Variants in CERS6 observed in about 807,000 individuals in gnomAD.
The protein encoded by CERS6 is LAG1 homolog, ceramide synthase 6.
In CERS6, 26 loss-of-function variants were observed where a neutral mutation model predicts 56.8. That is an observed-to-expected ratio of 0.46 (90% CI 0.34 to 0.63). The LOEUF is 0.63. CERS6 is among the 30% of genes least tolerant of loss of function. CERS6 has a pLI of 0.01. For missense variants in CERS6, 415 were observed against 467.5 expected (o/e 0.89, Z 1.04); for synonymous variants, 164 against 173.3 (o/e 0.95, Z 0.42).
At chr2:168,644,073 T>C (rs868038973) in intron 4 of CERS6, 5 of 984,816 alleles carry the variant, frequency 5.1e-6, no homozygotes, top group Middle Eastern at 5.2e-4. Flanking sequence ...AAAGGTCACA[T>C]ATTCTTTATC....
chr2:168,475,340 C>T lies in CERS6; in HGVS notation c.170+18722C>T, dbSNP rs186280406. ...AATCGCAGCTATTATGACGCATCAC[C>T]AATGAGTAGTTGAGCACGGATCTTT... On this transcript the variant is annotated intron_variant, in intron 1 of 9. Transcript: ENST00000305747. Among the ~76,000 whole-genome samples the T allele has an allele frequency of 1.1e-4, 16 of 152,202 alleles. No individual in the cohort carries two copies. In the East Asian group the frequency reaches 2.9e-3, roughly 28 times the overall value.
intron 4 of CERS6, among the ~76,000 whole-genome samples, chr2:168,665,952 C>CTCTGTG (rs1326251557): frequency 7.0e-6 from 1 of 143,198 alleles, no homozygotes; most frequent in Admixed American, 7.0e-5. Context: ...AATTAGTAGA[C>CTCTGTG]TGTGTGTGTG....
chr2:168,736,348 A>G (rs1024828759), intron 8 of CERS6, among the ~76,000 whole-genome samples: 2 of 152,132 alleles, frequency 1.3e-5, no homozygotes, highest in Non-Finnish European at 2.9e-5. Context: ...TTTTAAAAAG[A>G]CAGAATCTTG....
intron 1 of CERS6, among the ~76,000 whole-genome samples, chr2:168,484,183 T>G (rs1382421317): frequency 2.9e-5 from 3 of 102,294 alleles, no homozygotes; most frequent in Non-Finnish European, 6.0e-5. Context: ...TTTTTTTTTT[T>G]TTTTTTTTTT....
intron 1 of CERS6, among the ~76,000 whole-genome samples, chr2:168,484,640 A>G (rs1357020133): frequency 6.6e-6 from 1 of 152,074 alleles, no homozygotes; most frequent in Non-Finnish European, 1.5e-5. Flanking sequence ...CTGCTTGTTG[A>G]TGGTGTTTTG....
chr2:168,653,534 G>C (rs558603844), intron 4 of CERS6, among the ~76,000 whole-genome samples: 6 of 152,106 alleles, frequency 3.9e-5, no homozygotes, highest in Non-Finnish European at 8.8e-5. Context: ...GACATTTTCT[G>C]GTGTGCTATG....
chr2:168,707,184 A>ATC (rs916175285), intron 6 of CERS6, among the ~76,000 whole-genome samples: 67 of 152,342 alleles, frequency 4.4e-4, no homozygotes, highest in Middle Eastern at 3.4e-3. Flanking sequence ...CTTTAAACCA[A>ATC]TTAATTTCAT....
intron 1 of CERS6, among the ~76,000 whole-genome samples, chr2:168,457,732 C>T (rs1435367473): frequency 2.0e-5 from 3 of 152,288 alleles, no homozygotes; most frequent in East Asian, 1.9e-4. Context: ...TTTGCTGGTA[C>T]CTCATTTGCT....
At chr2:168,601,118 A>G (rs556801316) in intron 3 of CERS6, among the ~76,000 whole-genome samples, 4 of 152,322 alleles carry the variant, frequency 2.6e-5, no homozygotes, top group East Asian at 1.9e-4. Context: ...CTGTGATTCA[A>G]CCAGGCAAAT....
At chr2:168,577,621 G>C (rs902208544) in intron 3 of CERS6, among the ~76,000 whole-genome samples, 1 of 152,200 alleles carries the variant, frequency 6.6e-6, no homozygotes, top group Non-Finnish European at 1.5e-5. Flanking sequence ...GGAGGCGCTG[G>C]GGTGTGGAGC....
At chr2:168,672,806 C>T (rs1056683867) in intron 4 of CERS6, among the ~76,000 whole-genome samples, 2 of 152,150 alleles carry the variant, frequency 1.3e-5, no homozygotes, top group Non-Finnish European at 2.9e-5. Context: ...TTGTATCTTG[C>T]AGCTCCTCCC....
chr2:168,730,764 G>A (rs1289123721), intron 8 of CERS6, among the ~76,000 whole-genome samples: 1 of 152,072 alleles, frequency 6.6e-6, no homozygotes, highest in Admixed American at 6.6e-5. Context: ...ACAAACAGTT[G>A]TGTCTTAAGA....
chr2:168,561,032 A>C, intron 2 of CERS6, among the ~76,000 whole-genome samples, 160 bp from the exon 3 acceptor site: 1 of 152,184 alleles, frequency 6.6e-6, no homozygotes. Context: ...TCATGCTGCT[A>C]GTGGAAGGCC....
At chr2:168,646,736 A>T (rs1265838192) in intron 4 of CERS6, among the ~76,000 whole-genome samples, 1 of 152,230 alleles carries the variant, frequency 6.6e-6, no homozygotes, top group Non-Finnish European at 1.5e-5. Context: ...GAAGGGGTCC[A>T]GCTTCAGTCT....
chr2:168,752,279 ATGTGTGTGTGTG>A (rs397870530), intron 8 of CERS6, among the ~76,000 whole-genome samples: 2 of 132,632 alleles, frequency 1.5e-5, no homozygotes, highest in South Asian at 2.7e-4. Flanking sequence ...AAAAAAATAA[ATGTGTGTGTGTG>A]TGTGTGTGTG....
intron 9 of CERS6, among the ~76,000 whole-genome samples, chr2:168,768,412 A>G (rs946132117): frequency 2.1e-5 from 3 of 143,546 alleles, no homozygotes; most frequent in African/African-American, 7.5e-5. Context: ...TTTTTTTTTT[A>G]AGTTGAGACT....
At chr2:168,487,668 A>T (rs1283753098) in intron 1 of CERS6, among the ~76,000 whole-genome samples, 1 of 152,110 alleles carries the variant, frequency 6.6e-6, no homozygotes, top group African/African-American at 2.4e-5. Context: ...AGCTACTTTT[A>T]TGTGTTTTCC....
At chr2:168,736,659 T>C (rs972809745) in intron 8 of CERS6, among the ~76,000 whole-genome samples, 2 of 152,222 alleles carry the variant, frequency 1.3e-5, no homozygotes, top group African/African-American at 4.8e-5. Context: ...GGAAAAAGGC[T>C]TAAATTGAGA....
At chr2:168,553,308 C>T (rs574505821) in intron 2 of CERS6, among the ~76,000 whole-genome samples, 1 of 152,260 alleles carries the variant, frequency 6.6e-6, no homozygotes, top group South Asian at 2.1e-4. Flanking sequence ...AAAACAACTT[C>T]TGAGATATAA....
Sources: allele counts gnomAD v4.1 joint callset (sites outside exome capture counted in the v4.1 genomes callset), GRCh38; gene constraint gnomAD v4.1.1; transcripts MANE v1.5; gene names NCBI Gene and HGNC (gene_info 2026-07-23, HGNC 2026-07-21).